Variants in NCAM1 observed in about 807,000 individuals in gnomAD.
NCAM1 encodes neural cell adhesion molecule 1.
Under a neutral mutation model 109.8 loss-of-function variants are expected in NCAM1, and 14 were observed. The ratio of observed to expected loss-of-function variants is 0.13; its 90% confidence interval spans 0.08 to 0.20. NCAM1 has a LOEUF of 0.20. Among genes scored for constraint, NCAM1 ranks in the 10% least tolerant of loss-of-function variants. The pLI is 1.00. For synonymous variants in NCAM1, 418 were observed against 442.9 expected (o/e 0.94, Z 0.70); for missense variants, 774 against 1,109.9 (o/e 0.70, Z 4.30).
At chr11:113,255,590 GACA>G (rs1945811293) in intron 15 of NCAM1, among the ~76,000 whole-genome samples, 2 of 88,030 alleles carry the variant, frequency 2.3e-5, no homozygotes, top group Non-Finnish European at 4.2e-5. Context: ...GTACCAGTGA[GACA>G]GGGGAAAAAA....
At chr11:113,074,045 G>T (rs1398324381) in intron 1 of NCAM1, among the ~76,000 whole-genome samples, 1 of 152,196 alleles carries the variant, frequency 6.6e-6, no homozygotes, top group Non-Finnish European at 1.5e-5. Flanking sequence ...GGAGAAACAC[G>T]TCGGTGTGGA....
intron 9 of NCAM1, chr11:113,231,417 C>G (rs1196018880): frequency 9.6e-7 from 1 of 1,037,664 alleles, no homozygotes. Flanking sequence ...ATAACTGAGT[C>G]TCATTTTCTG....
Position 113,278,292 on chromosome 11 carries a change from G to GTT in NCAM1, c.*2906_*2907dup, listed in dbSNP as rs1291410838. The GTT allele has an allele frequency of 6.6e-6, 1 of 152,148 alleles. No homozygotes were observed. The highest frequency in any genetic ancestry group is 1.5e-5 in the Non-Finnish European group (1 of 68,038). 9.4% of individuals were successfully genotyped at this position (152,148 alleles called of 1,614,324 possible). ...CTGTACTTCGGGGGCCTTCTCTCTT[G>GTT]TTATAAAACTTTTTACCAAGTGAAA... is the stretch of plus-strand genomic sequence containing the variant. On this transcript the variant is annotated 3_prime_UTR_variant, in exon 20 of 20. Coordinates refer to ENST00000316851, the MANE Select transcript of NCAM1 (RefSeq NM_181351.5).
intron 1 of NCAM1, among the ~76,000 whole-genome samples, chr11:112,997,868 A>ATTTTGT (rs782096902): frequency 2.6e-5 from 4 of 152,288 alleles, no homozygotes; most frequent in Admixed American, 6.5e-5. Context: ...TTTTGTGAAT[A>ATTTTGT]TTTTGTTCTC....
intron 1 of NCAM1, among the ~76,000 whole-genome samples, chr11:113,052,872 C>A (rs180701411): frequency 3.4e-4 from 52 of 152,250 alleles, no homozygotes; most frequent in Admixed American, 3.3e-3. Context: ...CCCGACAGGG[C>A]CCGGTGTGTA....
chr11:113,050,161 AAG>A (rs1420865218), intron 1 of NCAM1, among the ~76,000 whole-genome samples: 2 of 151,944 alleles, frequency 1.3e-5, no homozygotes, highest in South Asian at 2.1e-4. Context: ...GAGTGACAGA[AAG>A]AGAATTAATG....
In NCAM1 at chr11:113,232,686, A is replaced by G; in HGVS notation, c.1426-32A>G. 2.0e-6 allele frequency: 3 copies of G among 1,533,852 alleles called. No individual in the cohort carries two copies. The African/African-American group carries it at 4.1e-5, about 21-fold the overall frequency. On this transcript the variant is annotated intron_variant, in intron 11 of 19. Transcript: ENST00000316851. ...TGAGTCTGTGACCATCCCATAGGAC[A>G]CTTGTAACCCAATAGCTTCTTCCTT... is the stretch of plus-strand genomic sequence containing the variant.
chr11:112,969,427 G>A (rs1950817706), intron 1 of NCAM1, among the ~76,000 whole-genome samples: 1 of 152,130 alleles, frequency 6.6e-6, no homozygotes, highest in African/African-American at 2.4e-5. Context: ...CTGAATACAT[G>A]CCAAGCAAAC....
chr11:113,235,566 T>G (rs1284613723), intron 14 of NCAM1, among the ~76,000 whole-genome samples: 2 of 152,186 alleles, frequency 1.3e-5, no homozygotes, highest in African/African-American at 4.8e-5. Flanking sequence ...ATGGTGACAG[T>G]TCACATAATG....
intron 1 of NCAM1, among the ~76,000 whole-genome samples, chr11:113,071,514 CT>C (rs1476242896): frequency 6.6e-6 from 1 of 151,336 alleles, no homozygotes; most frequent in African/African-American, 2.4e-5. Context: ...CAAACTCCGC[CT>C]CCTGGGTTCA....
intron 15 of NCAM1, among the ~76,000 whole-genome samples, chr11:113,250,319 G>A (rs1050343857): frequency 1.3e-5 from 2 of 152,174 alleles, no homozygotes; most frequent in Non-Finnish European, 1.5e-5. Flanking sequence ...GATCACATCC[G>A]ATTCTTTTGT....
chr11:113,108,814 C>T (rs554966409), intron 1 of NCAM1, among the ~76,000 whole-genome samples: 6 of 145,960 alleles, frequency 4.1e-5, no homozygotes, highest in African/African-American at 1.5e-4. Context: ...CTCACCCTGT[C>T]GCCCAGGCTA....
At chr11:113,113,188 T>C (rs1262436668) in intron 1 of NCAM1, among the ~76,000 whole-genome samples, 1 of 152,208 alleles carries the variant, frequency 6.6e-6, no homozygotes, top group Admixed American at 6.5e-5. Context: ...CCGTGTTTCA[T>C]ATCTTTTCTG....
At chr11:113,175,334 A>G (rs1467063393) in intron 1 of NCAM1, among the ~76,000 whole-genome samples, 3 of 152,256 alleles carry the variant, frequency 2.0e-5, no homozygotes, top group Admixed American at 6.5e-5. Flanking sequence ...AAGGGGTAGA[A>G]TGTGAATCGT....
Position 113,186,291 on chromosome 11 carries a change from C to T in NCAM1, c.53-16088C>T, listed in dbSNP as rs542381653. ...GCAGCATTAGATTCTCATAGAAGTG[C>T]GTGCGAGGGTTCTAGGTTGTATGCT... On this transcript the variant is annotated intron_variant, in intron 1 of 19. Transcript: ENST00000316851. Among the ~76,000 whole-genome samples, 61 of 152,192 alleles carry T rather than the reference C, an allele frequency of 4.0e-4. No individual in the cohort carries two copies. In the South Asian group the frequency reaches 9.6e-3, roughly 24 times the overall value.
chr11:113,164,102 C>T (rs1261868646), intron 1 of NCAM1, among the ~76,000 whole-genome samples: 5 of 152,144 alleles, frequency 3.3e-5, no homozygotes, highest in African/African-American at 1.2e-4. Flanking sequence ...ACATGCTCTG[C>T]AGTCTGCATT....
At chr11:113,062,175 C>T (rs950514688) in intron 1 of NCAM1, among the ~76,000 whole-genome samples, 1 of 152,160 alleles carries the variant, frequency 6.6e-6, no homozygotes, top group African/African-American at 2.4e-5. Context: ...CTCATGCAAC[C>T]ATCACTTCTA....
At chr11:113,235,230 C>G in intron 14 of NCAM1, 66 bp downstream of exon 14, 3 of 1,612,184 alleles carry the variant, frequency 1.9e-6, no homozygotes, top group Non-Finnish European at 2.5e-6. Flanking sequence ...AGTGGGGAAC[C>G]CTGAGCTGGC....
chr11:113,082,824 A>G (rs782269333), intron 1 of NCAM1, among the ~76,000 whole-genome samples: 20 of 152,152 alleles, frequency 1.3e-4, no homozygotes, highest in Non-Finnish European at 1.9e-4. Flanking sequence ...AACTCTGTCA[A>G]AAGCAACCCT....
Sources: allele counts gnomAD v4.1 joint callset (sites outside exome capture counted in the v4.1 genomes callset), GRCh38; gene constraint gnomAD v4.1.1; transcripts MANE v1.5; gene names NCBI Gene and HGNC (gene_info 2026-07-23, HGNC 2026-07-21).